Variants in CTSO observed in about 807,000 individuals in gnomAD.
CTSO encodes cathepsin O.
Under a neutral mutation model 42.4 loss-of-function variants are expected in CTSO, and 40 were observed. That is an observed-to-expected ratio of 0.94 (90% confidence interval 0.73 to 1.23). The LOEUF is 1.23. Among genes scored for constraint, CTSO ranks in the 50% most tolerant of loss-of-function variants. The probability of loss-of-function intolerance (pLI) is 0.00; values close to 1 mark genes in which losing one functional copy is unlikely to be tolerated. For synonymous variants in CTSO, 156 were observed against 146.2 expected (o/e 1.07, Z -0.48); for missense variants, 441 against 396.0 (o/e 1.11, Z -0.96).
chr4:155,943,103 A>T, intron 2 of CTSO, 53 bp downstream of exon 2: 2 of 1,026,826 alleles, frequency 1.9e-6, no homozygotes, highest in Non-Finnish European at 1.5e-6. Context: ...ATCAAAAGTT[A>T]AGCAAGCAAA....
chr4:155,930,935 T>C (rs1262227306), intron 5 of CTSO, among the ~76,000 whole-genome samples: 2 of 152,174 alleles, frequency 1.3e-5, no homozygotes, highest in Non-Finnish European at 2.9e-5. Context: ...GTAAAATTTT[T>C]AAAAGGCATC....
rs200990695 is a variant in CTSO at position 155,926,032 on chromosome 4, C to T, written c.*4G>A. 7.4e-5 allele frequency: 119 copies of T among 1,603,956 alleles called. No homozygotes were observed. In the East Asian group the frequency reaches 2.4e-3, roughly 33 times the overall value. The stretch of plus-strand genomic sequence containing the variant: ...TGTAGCTGTCTCTTGATCTGCCCAA[C>T]ATGTCACACAAATATAGAAGAAACG... On this transcript the variant is annotated 3_prime_UTR_variant, in exon 8 of 8. Coordinates refer to ENST00000433477, the MANE Select transcript of CTSO (RefSeq NM_001334.3).
In CTSO at chr4:155,953,744, C is replaced by T; in HGVS notation, c.104G>A (p.Arg35Gln). The T allele has an allele frequency of 1.6e-6, 2 of 1,279,640 alleles. No homozygotes were observed. The highest frequency in any genetic ancestry group is 2.0e-6 in the Non-Finnish European group (2 of 1,013,662). The allele number at this position is 1,279,640 out of a possible 1,614,324, so 79.3% of individuals were successfully genotyped here. The change falls in exon 1 of 8, where the codon CGG (arginine) becomes CAG (glutamine). Residue 35 changes from arginine (R) to glutamine (Q), a missense_variant. Arg to Gln is a conservative substitution (Grantham distance 43, BLOSUM62 1). Transcript: ENST00000433477. ...SRAPFTPTWP[R>Q]SREREAAAFR... Reference sequence around the variant, plus strand: ...GGCGGCGGCTTCACGCTCGCGGCTCCGCGGCCAGGTCGGGGTGAAGGGGGC... The same window carrying T: ...GGCGGCGGCTTCACGCTCGCGGCTCTGCGGCCAGGTCGGGGTGAAGGGGGC...
intron 5 of CTSO, among the ~76,000 whole-genome samples, chr4:155,935,689 ACTGT>A (rs1419650178): frequency 3.3e-5 from 5 of 151,918 alleles, no homozygotes; most frequent in Non-Finnish European, 7.4e-5. Flanking sequence ...ATTTTTTGTG[ACTGT>A]CTGTCTCAAT....
rs1358459078 is a variant in CTSO at position 155,924,600 on chromosome 4, A to G, written c.*1436T>C. ...ATCATATACATTAGAAAAGAATGATACATTTTAGAGAAGAAATATGTACAT... is the reference window on the plus strand; with the variant it reads ...ATCATATACATTAGAAAAGAATGATGCATTTTAGAGAAGAAATATGTACAT... On this transcript the variant is annotated 3_prime_UTR_variant, in exon 8 of 8. Transcript: ENST00000433477. The G allele has an allele frequency of 6.6e-6, 1 of 152,180 alleles. No homozygotes were observed. Among genetic ancestry groups the G allele is most frequent in the East Asian group, 1.9e-4 (1 of 5,194 alleles). The allele number at this position is 152,180 out of a possible 1,614,324, so 9.4% of individuals were successfully genotyped here. A position where few individuals can be genotyped will look rare whatever the true frequency, so the allele number is the denominator to read the frequency against.
chr4:155,951,574 C>A (rs1348824217), intron 1 of CTSO, among the ~76,000 whole-genome samples: 1 of 152,144 alleles, frequency 6.6e-6, no homozygotes, highest in African/African-American at 2.4e-5. Flanking sequence ...GGGAAACTTA[C>A]AAAACTATCT....
At chr4:155,939,331 A>G (rs553783756) in intron 4 of CTSO, 40 bp downstream of exon 4, 3 of 1,524,104 alleles carry the variant, frequency 2.0e-6, no homozygotes, top group Non-Finnish European at 2.7e-6. Context: ...AACAAGCAAA[A>G]AAGGAAATAA....
chr4:155,944,410 A>G (rs1579347351), intron 1 of CTSO, among the ~76,000 whole-genome samples: 1 of 152,248 alleles, frequency 6.6e-6, no homozygotes, highest in East Asian at 1.9e-4. Flanking sequence ...ATGTAAAAAT[A>G]GAACTAGAAT....
At chr4:155,946,771 A>T (rs1176077979) in intron 1 of CTSO, among the ~76,000 whole-genome samples, 1 of 152,176 alleles carries the variant, frequency 6.6e-6, no homozygotes, top group African/African-American at 2.4e-5. Context: ...CCCTACCACT[A>T]ATCTCTACCC....
intron 1 of CTSO, among the ~76,000 whole-genome samples, chr4:155,952,278 GGGTAT>G (rs1325653950): frequency 6.6e-6 from 1 of 152,066 alleles, no homozygotes; most frequent in Non-Finnish European, 1.5e-5. Context: ...ACATTCATCA[GGGTAT>G]GGCCTCTTTA....
chr4:155,939,292 CA>C, intron 4 of CTSO, 78 bp downstream of exon 4: 7 of 1,266,870 alleles, frequency 5.5e-6, no homozygotes, highest in Non-Finnish European at 7.6e-6. Context: ...TATATGTGAA[CA>C]AACTGTTTGA....
intron 6 of CTSO, among the ~76,000 whole-genome samples, chr4:155,929,155 C>T (rs1448846955): frequency 6.6e-6 from 1 of 152,194 alleles, no homozygotes; most frequent in African/African-American, 2.4e-5. Context: ...TTATTTCGGC[C>T]CATCCCTTTA....
rs769064191 is a variant in CTSO at position 155,925,991 on chromosome 4, T to C, written c.*45A>G. On this transcript the variant is annotated 3_prime_UTR_variant, in exon 8 of 8. Coordinates refer to ENST00000433477, the MANE Select transcript of CTSO (RefSeq NM_001334.3). ...TGAAGTACTATGTTACATTGCATTA[T>C]GAAAACCTTCATTTTTGTAGCTGTC... 6.4e-7 allele frequency: 1 copy of C among 1,559,764 alleles called. No individual in the cohort carries two copies. Among genetic ancestry groups the C allele is most frequent in the East Asian group, 2.3e-5 (1 of 44,302 alleles).
chr4:155,936,028 T>G (rs538417269), intron 5 of CTSO, among the ~76,000 whole-genome samples: 1 of 152,202 alleles, frequency 6.6e-6, no homozygotes, highest in Non-Finnish European at 1.5e-5. Context: ...GGGATTCCCT[T>G]AATCCCTTTT....
chr4:155,937,537 A>G, intron 4 of CTSO, 54 bp from the exon 5 acceptor site: 4 of 1,553,936 alleles, frequency 2.6e-6, no homozygotes, highest in Non-Finnish European at 3.5e-6. Flanking sequence ...TATAAATCAA[A>G]TAGAACTTAC....
chr4:155,935,477 T>C (rs541447535), intron 5 of CTSO, among the ~76,000 whole-genome samples: 1 of 151,904 alleles, frequency 6.6e-6, no homozygotes, highest in South Asian at 2.1e-4. Flanking sequence ...GGAACCATGT[T>C]CCCCCACATA....
At chr4:155,934,482 C>T (rs1265296055) in intron 5 of CTSO, among the ~76,000 whole-genome samples, 2 of 152,182 alleles carry the variant, frequency 1.3e-5, no homozygotes, top group African/African-American at 4.8e-5. Context: ...GGTAGATCCA[C>T]TGACAGCTTG....
At chr4:155,930,552 T>A (rs574931601) in intron 5 of CTSO, among the ~76,000 whole-genome samples, 2 of 152,272 alleles carry the variant, frequency 1.3e-5, no homozygotes, top group African/African-American at 2.4e-5. Flanking sequence ...GTCAGCTTTG[T>A]GGGTGAAGGA....
intron 6 of CTSO, 92 bp downstream of exon 6, chr4:155,929,450 A>G (rs1743191375): frequency 7.4e-7 from 1 of 1,345,894 alleles, no homozygotes; most frequent in African/African-American, 1.5e-5. Context: ...TAATCATAGC[A>G]GAACCAAATT....
Sources: gnomAD v4.1 joint callset for allele counts (sites outside exome capture counted in the v4.1 genomes callset) on GRCh38, gnomAD v4.1.1 for gene constraint, MANE v1.5 for transcripts, NCBI Gene and HGNC (gene_info 2026-07-23, HGNC 2026-07-21) for gene names.